The following PTPRC variants were observed in gnomAD, a reference collection of about 807,000 sequenced individuals.
PTPRC encodes the protein protein tyrosine phosphatase receptor type C.
A neutral mutation model predicts 155.9 loss-of-function variants in PTPRC; 44 were observed. The ratio of observed to expected loss-of-function variants is 0.28; its 90% CI spans 0.22 to 0.36. The LOEUF (loss-of-function observed/expected upper bound fraction) is 0.36. PTPRC is among the 10% of genes least tolerant of loss of function. The pLI is 1.00. For missense variants in PTPRC, 1,401 were observed against 1,564.6 expected, an observed-to-expected ratio of 0.90 and a Z score of 1.76; for synonymous variants, 525 against 533.1, an observed-to-expected ratio of 0.98 and a Z score of 0.21.
rs1232619823 is a variant in PTPRC, at chr1:198,679,642, G to A, written c.74-12705G>A. On this transcript the variant is annotated intron_variant, in intron 2 of 32. Transcript: ENST00000442510. ...CCTCCAGATCCATTGCTGAGGATGG[G>A]CTCGTCACACTTCAGCAGCCTGTCC... 2.3e-5 allele frequency: 6 copies of A among 258,998 alleles called. No individual in the cohort carries two copies. In the East Asian group the frequency reaches 3.5e-4, roughly 15 times the overall value. 16.0% of individuals were successfully genotyped at this position (258,998 alleles called of 1,614,324 possible).
intron 29 of PTPRC, among the ~76,000 whole-genome samples, chr1:198,751,171 A>G (rs1655362630): frequency 2.0e-5 from 3 of 151,992 alleles, no homozygotes; most frequent in Admixed American, 1.3e-4. Flanking sequence ...AACAAGACCA[A>G]ACTCCTGAAA....
chr1:198,645,437 T>A (rs1407226262), intron 2 of PTPRC, among the ~76,000 whole-genome samples: 2 of 151,770 alleles, frequency 1.3e-5, no homozygotes, highest in Non-Finnish European at 2.9e-5. Flanking sequence ...CTGGGAAACA[T>A]CATGACATCT....
intron 2 of PTPRC, among the ~76,000 whole-genome samples, chr1:198,675,832 G>A (rs1383439801): frequency 6.6e-6 from 1 of 152,128 alleles, no homozygotes; most frequent in African/African-American, 2.4e-5. Flanking sequence ...TCTCGGAAGG[G>A]ATAAGTAATT....
chr1:198,656,731 G>A (rs1195298550), intron 2 of PTPRC, among the ~76,000 whole-genome samples: 3 of 150,274 alleles, frequency 2.0e-5, no homozygotes, highest in Admixed American at 6.7e-5. Flanking sequence ...AGAAATGCAC[G>A]TCATGGAGGT....
intron 26 of PTPRC, among the ~76,000 whole-genome samples, chr1:198,746,458 A>C (rs553444352): frequency 6.6e-6 from 1 of 151,572 alleles, no homozygotes; most frequent in South Asian, 2.1e-4. Flanking sequence ...CCAGGTTTTA[A>C]TTGGTGGAAA....
At position 198,678,758 on chromosome 1, in the gene PTPRC, T is replaced by C. The variant is rs150252044; in HGVS notation, c.74-13589T>C. 4.3e-3 allele frequency among the ~76,000 whole-genome samples: 661 copies of C among 152,164 alleles called. 8 individuals are homozygous for C. The highest frequency in any genetic ancestry group is 0.015 in the African/African-American group (636 of 41,528). On this transcript the variant is annotated intron_variant, in intron 2 of 32. Transcript: ENST00000442510. The stretch of plus-strand genomic sequence containing the variant: ...ACAAATCCTTTTTCTTTTTCTTTTT[T>C]TTTTTGTAACCTCCCTTAAAGATTC...
At chr1:198,748,516 T>C (rs1655242417) in intron 27 of PTPRC, among the ~76,000 whole-genome samples, 1 of 151,812 alleles carries the variant, frequency 6.6e-6, no homozygotes, top group Non-Finnish European at 1.5e-5. Context: ...CCCATTTTCT[T>C]TCATTTTTAG....
At chr1:198,705,432 CTTT>C (rs905823899) in intron 8 of PTPRC, among the ~76,000 whole-genome samples, 2 of 139,410 alleles carry the variant, frequency 1.4e-5, no homozygotes, top group Admixed American at 7.3e-5. Context: ...TTCTTTCTTT[CTTT>C]TTTTTTTTTT....
chr1:198,724,226 T>C (rs1654023035), intron 15 of PTPRC, among the ~76,000 whole-genome samples: 1 of 152,196 alleles, frequency 6.6e-6, no homozygotes, highest in Non-Finnish European at 1.5e-5. Context: ...TATAGTTTCT[T>C]TTAAAATAGT....
chr1:198,718,179 T>C lies in PTPRC; in HGVS notation c.1536T>C (p.Asn512=). ...HVKCRPPRDR[N]GPHERYHLEV... is the part of the protein sequence containing the mutation. The stretch of plus-strand genomic sequence containing the variant: ...AGTGTAGGCCTCCCAGGGACCGTAA[T>C]GGCCCCCATGAACGTTACCATTTGG... The change falls in exon 14 of 33, where the codon AAT becomes AAC. Residue 512 remains asparagine (N), a synonymous_variant. Transcript: ENST00000442510. The C allele has an allele frequency of 6.2e-7, 1 of 1,613,776 alleles. No individual in the cohort carries two copies. The highest frequency in any genetic ancestry group is 8.5e-7 in the Non-Finnish European group (1 of 1,179,662).
intron 15 of PTPRC, among the ~76,000 whole-genome samples, chr1:198,726,200 T>C (rs552415335): frequency 6.6e-6 from 1 of 152,338 alleles, no homozygotes; most frequent in East Asian, 1.9e-4. Context: ...AGTTAGATGT[T>C]GCCTCTGATG....
chr1:198,661,149 G>T (rs1228443796), intron 2 of PTPRC, among the ~76,000 whole-genome samples: 1 of 151,990 alleles, frequency 6.6e-6, no homozygotes, highest in African/African-American at 2.4e-5. Context: ...ACTGTTAATT[G>T]AAACCAATGT....
chr1:198,694,753 C>T, intron 3 of PTPRC: 5 of 953,018 alleles, frequency 5.2e-6, no homozygotes, highest in Non-Finnish European at 6.2e-6. Flanking sequence ...CTTTCCACTC[C>T]CTTTCTCCCA....
chr1:198,720,689 C>T (rs1422664087), intron 14 of PTPRC, among the ~76,000 whole-genome samples: 4 of 152,104 alleles, frequency 2.6e-5, no homozygotes, highest in South Asian at 4.1e-4. Flanking sequence ...TGTCTTCATT[C>T]CTTTCATGCA....
rs185311373 is a variant in PTPRC at position 198,683,159 on chromosome 1, C to G, written c.74-9188C>G. Among the ~76,000 whole-genome samples the G allele has an allele frequency of 1.6e-4, 24 of 152,196 alleles. 1 individual carries two copies. The highest frequency in any genetic ancestry group is 5.5e-4 in the African/African-American group (23 of 41,530). On this transcript the variant is annotated intron_variant, in intron 2 of 32. Transcript: ENST00000442510. ...TTCATCTGTGAAAAGAAGAGAATAC[C>G]ATCTACTTTGTAGGATTTCTATAAT...
At chr1:198,680,804 A>G (rs1036829234) in intron 2 of PTPRC, among the ~76,000 whole-genome samples, 2 of 152,212 alleles carry the variant, frequency 1.3e-5, no homozygotes, top group African/African-American at 4.8e-5. Context: ...ACCGAAATTC[A>G]GGAGAATGAT....
rs552702537 is a variant in PTPRC, at chr1:198,734,476, G to A, written c.2277+51G>A. On this transcript the variant is annotated intron_variant, in intron 22 of 32. Transcript: ENST00000442510. ...TGGGTCTTGGGGTTAGGAAAACAAG[G>A]TGTTGAATGGCATTTTGAAAAGCCA... 4 of 1,515,220 alleles carry A rather than the reference G, an allele frequency of 2.6e-6. No homozygotes were observed. The South Asian group carries it at 4.5e-5, about 17-fold the overall frequency. The allele number at this position is 1,515,220 out of a possible 1,614,324, so 93.9% of individuals were successfully genotyped here. A position where few individuals can be genotyped will look rare whatever the true frequency, so the allele number is the denominator to read the frequency against.
chr1:198,718,050 C>T (rs769721215), intron 13 of PTPRC, 44 bp from the exon 14 acceptor site: 68 of 1,410,638 alleles, frequency 4.8e-5, no homozygotes, highest in South Asian at 3.8e-4. Context: ...TTTACATATG[C>T]ATCTATTAAA....
At chr1:198,709,862 C>G in intron 11 of PTPRC, 38 bp downstream of exon 11, 1 of 1,601,966 alleles carries the variant, frequency 6.2e-7, no homozygotes, top group Non-Finnish European at 8.5e-7. Flanking sequence ...AAAATTGCTT[C>G]TCTCTTCATG....
Sources: allele counts gnomAD v4.1 joint callset (sites outside exome capture counted in the v4.1 genomes callset), GRCh38; gene constraint gnomAD v4.1.1; transcripts MANE v1.5; gene names NCBI Gene and HGNC (gene_info 2026-07-23, HGNC 2026-07-21).